Variants in DPP6 observed in about 807,000 individuals in gnomAD.
DPP6 encodes dipeptidyl peptidase like 6, also known as A-type potassium channel modulatory protein DPP6.
In DPP6, 69 loss-of-function variants were observed where a neutral mutation model predicts 122.6. That is an observed-to-expected ratio of 0.56 (90% CI 0.46 to 0.69). DPP6 has a LOEUF of 0.69. Among genes scored for constraint, DPP6 ranks in the 30% least tolerant of loss-of-function variants. The pLI is 0.00. For synonymous variants in DPP6, 418 were observed against 433.1 expected, an observed-to-expected ratio of 0.97 and a Z score of 0.43; for missense variants, 928 against 1,116.9, an observed-to-expected ratio of 0.83 and a Z score of 2.41.
the DPP6 span, among the ~76,000 whole-genome samples, chr7:153,823,972 TTA>T: frequency 1.3e-5 from 2 of 152,336 alleles, no homozygotes; most frequent in Non-Finnish European, 2.9e-5. Context: ...TTGATTTTGA[TTA>T]TTCAAGGAGA....
chr7:154,792,655 G>T (rs555449156), intron 10 of DPP6, among the ~76,000 whole-genome samples: 1 of 152,356 alleles, frequency 6.6e-6, no homozygotes, highest in South Asian at 2.1e-4. Flanking sequence ...AGGTTCTGGG[G>T]CAGGCCAGGC....
At chr7:153,800,925 C>A in the DPP6 span, among the ~76,000 whole-genome samples, 3 of 152,212 alleles carry the variant, frequency 2.0e-5, no homozygotes, top group African/African-American at 7.2e-5. Context: ...ATGCTAATTA[C>A]CCTGATTTGA....
chr7:154,535,691 A>C (rs193150622), intron 3 of DPP6, among the ~76,000 whole-genome samples: 1 of 152,132 alleles, frequency 6.6e-6, no homozygotes, highest in African/African-American at 2.4e-5. Flanking sequence ...ATTGTAAAAA[A>C]AAAAAAATTA....
chr7:154,334,755 G>A (rs778662307), intron 1 of DPP6, among the ~76,000 whole-genome samples: 5 of 152,116 alleles, frequency 3.3e-5, no homozygotes, highest in Non-Finnish European at 5.9e-5. Flanking sequence ...AAATAGCCAG[G>A]CATGGTGGCA....
At chr7:153,797,957 T>G in the DPP6 span, among the ~76,000 whole-genome samples, 1 of 152,210 alleles carries the variant, frequency 6.6e-6, no homozygotes, top group Non-Finnish European at 1.5e-5. Flanking sequence ...TTCTCCTGCC[T>G]CAGGCTCCCA....
At chr7:154,743,782 C>T (rs1245912490) in intron 8 of DPP6, among the ~76,000 whole-genome samples, 1 of 151,738 alleles carries the variant, frequency 6.6e-6, no homozygotes, top group East Asian at 1.9e-4. Flanking sequence ...GGATTGGTTC[C>T]AGGACCCCTG....
intron 1 of DPP6, among the ~76,000 whole-genome samples, chr7:154,393,113 T>C (rs1814763682): frequency 6.6e-6 from 1 of 152,254 alleles, no homozygotes; most frequent in Admixed American, 6.5e-5. Context: ...TTTTAAGTAT[T>C]TGGACTAGAC....
At chr7:154,130,068 G>A (rs1808252874) in intron 1 of DPP6, among the ~76,000 whole-genome samples, 1 of 151,688 alleles carries the variant, frequency 6.6e-6, no homozygotes, top group South Asian at 2.1e-4. Context: ...CAGTCTGGGT[G>A]GCAGAGTAAG....
chr7:153,753,002 C>G, the DPP6 span, among the ~76,000 whole-genome samples: 2 of 152,174 alleles, frequency 1.3e-5, no homozygotes, highest in African/African-American at 4.8e-5. Flanking sequence ...AGCTTCACAT[C>G]AAGCATGGAT....
At chr7:154,121,880 T>C (rs1270646733) in intron 1 of DPP6, among the ~76,000 whole-genome samples, 1 of 152,176 alleles carries the variant, frequency 6.6e-6, no homozygotes. Flanking sequence ...TCTAAAGCCA[T>C]ATTGTAGATT....
At chr7:154,419,082 A>G (rs1405112653) in intron 1 of DPP6, among the ~76,000 whole-genome samples, 2 of 152,222 alleles carry the variant, frequency 1.3e-5, no homozygotes, top group Non-Finnish European at 2.9e-5. Context: ...ACAAGAATTA[A>G]TGTTCCAGGA....
rs113635486 is a variant in DPP6 at position 154,785,885 on chromosome 7, T to G, written c.1137-8194T>G. 2.3e-3 allele frequency among the ~76,000 whole-genome samples: 355 copies of G among 152,368 alleles called. 2 individuals carry two copies. The highest frequency in any genetic ancestry group is 0.017 in the Middle Eastern group (5 of 294). On this transcript the variant is annotated intron_variant, in intron 10 of 25. Coordinates refer to ENST00000377770, the MANE Select transcript of DPP6 (RefSeq NM_130797.4). ...TTTTAAATTGTTTTTGTTTTTTACC[T>G]GAAATATTTAATTTTATTACATCCT... is the stretch of plus-strand genomic sequence containing the variant.
intron 1 of DPP6, among the ~76,000 whole-genome samples, chr7:154,371,740 C>G (rs539797585): frequency 6.6e-6 from 1 of 152,208 alleles, no homozygotes; most frequent in South Asian, 2.1e-4. Context: ...CAGGTGTACA[C>G]CCGGGCAGAT....
chr7:154,680,080 C>G (rs1304452652), intron 7 of DPP6, among the ~76,000 whole-genome samples: 2 of 151,814 alleles, frequency 1.3e-5, no homozygotes, highest in Non-Finnish European at 2.9e-5. Flanking sequence ...ATTATGGGGC[C>G]CTTTCCTGCC....
chr7:154,753,767 C>T (rs1037225285), intron 8 of DPP6, among the ~76,000 whole-genome samples: 4 of 152,144 alleles, frequency 2.6e-5, no homozygotes, highest in African/African-American at 7.2e-5. Flanking sequence ...TTTGCCCAGC[C>T]GCCTTCCGTC....
intron 1 of DPP6, among the ~76,000 whole-genome samples, chr7:154,185,151 CA>C (rs1229609624): frequency 6.6e-6 from 1 of 152,198 alleles, no homozygotes; most frequent in African/African-American, 2.4e-5. Context: ...TGTACTAAGG[CA>C]ATTGTAATCA....
chr7:154,742,196 C>T (rs1331625104), intron 8 of DPP6, among the ~76,000 whole-genome samples: 1 of 152,310 alleles, frequency 6.6e-6, no homozygotes, highest in East Asian at 1.9e-4. Flanking sequence ...GCCAAGACCA[C>T]CTGCAGGAAG....
At chr7:154,176,990 C>T (rs532882060) in intron 1 of DPP6, among the ~76,000 whole-genome samples, 19 of 152,112 alleles carry the variant, frequency 1.2e-4, no homozygotes, top group African/African-American at 4.1e-4. Context: ...CACACCACCA[C>T]ACCTGGCTAA....
chr7:154,672,017 C>T (rs927450081), intron 7 of DPP6, among the ~76,000 whole-genome samples: 2 of 152,166 alleles, frequency 1.3e-5, no homozygotes, highest in African/African-American at 4.8e-5. Flanking sequence ...TGTGTCCCCA[C>T]ACAAATCTCA....
Sources: gnomAD v4.1 joint callset for allele counts (sites outside exome capture counted in the v4.1 genomes callset) on GRCh38, gnomAD v4.1.1 for gene constraint, MANE v1.5 for transcripts, NCBI Gene and HGNC (gene_info 2026-07-23, HGNC 2026-07-21) for gene names.